CETN3: variants seen among roughly 807,000 people sequenced by gnomAD.
The protein encoded by CETN3 is centrin 3.
Under a neutral mutation model 20.1 loss-of-function variants are expected in CETN3, and 17 were observed. That is an observed-to-expected ratio of 0.85 (90% CI 0.58 to 1.27). The LOEUF (loss-of-function observed/expected upper bound fraction) is 1.27. Among genes scored for constraint, CETN3 ranks in the 50% most tolerant of loss-of-function variants. The probability of loss-of-function intolerance (pLI) is 0.00; values close to 1 mark genes in which losing one functional copy is unlikely to be tolerated. For synonymous variants in CETN3, 52 were observed against 59.7 expected, an observed-to-expected ratio of 0.87 and a Z score of 0.59; for missense variants, 169 against 191.2, an observed-to-expected ratio of 0.88 and a Z score of 0.69.
chr5:90,399,011 T>C (rs1196786272), intron 4 of CETN3: 1 of 400,080 alleles, frequency 2.5e-6, no homozygotes, highest in Admixed American at 4.2e-5. Context: ...ACAGCCACAA[T>C]GGACAAAGAT....
chr5:90,405,580 T>C (rs545497111), intron 3 of CETN3, 105 bp downstream of exon 3: 1 of 747,524 alleles, frequency 1.3e-6, no homozygotes, highest in Non-Finnish European at 2.3e-6. Flanking sequence ...ACACCAGTGT[T>C]CTATAAGAAA....
rs541550716 is a variant in CETN3, at chr5:90,392,269, T to C, written c.*1795A>G. 3 of 152,308 alleles carry C rather than the reference T, an allele frequency of 2.0e-5. No homozygotes were observed. In the East Asian group the frequency reaches 5.8e-4, roughly 29 times the overall value. 9.4% of individuals were successfully genotyped at this position (152,308 alleles called of 1,614,324 possible). A position where few individuals can be genotyped will look rare whatever the true frequency, so the allele number is the denominator to read the frequency against. ...AGACTCACAAAACTAGATTTACTTTTACTGTTTTATTTTTCACTTTCCTGG... is the reference window on the plus strand; with the variant it reads ...AGACTCACAAAACTAGATTTACTTTCACTGTTTTATTTTTCACTTTCCTGG... On this transcript the variant is annotated 3_prime_UTR_variant, in exon 5 of 5. Coordinates refer to ENST00000283122, the MANE Select transcript of CETN3 (RefSeq NM_004365.4).
chr5:90,395,696 C>G (rs182537279), intron 4 of CETN3: 1 of 196,110 alleles, frequency 5.1e-6, no homozygotes, highest in Non-Finnish European at 9.2e-6. Context: ...AATATACACA[C>G]GACAGGTAAA....
rs1454661006 is a variant in CETN3, at chr5:90,407,828, C to T, written c.24G>A (p.Glu8=). ...TCCTCTTTGTTTTGTCCACTACAAG[C>T]TCACTTCTATGAAATGGAAAGAAAA... is the stretch of plus-strand genomic sequence containing the variant. The part of the protein sequence containing the change: MSLALRS[E]LVVDKTKRKK... Residue 8 remains glutamate (E), a synonymous_variant, in exon 2 of 5, where the codon GAG becomes GAA. Transcript: ENST00000283122. The T allele has an allele frequency of 3.2e-6, 5 of 1,582,612 alleles. No homozygotes were observed. In the South Asian group the frequency reaches 6.0e-5, roughly 19 times the overall value.
Position 90,394,052 on chromosome 5 carries a change from C to A in CETN3, c.*12G>T, listed in dbSNP as rs760138839. On this transcript the variant is annotated 3_prime_UTR_variant, in exon 5 of 5. Coordinates refer to ENST00000283122, the MANE Select transcript of CETN3 (RefSeq NM_004365.4). ...TAACTGCAACATTCTTAGTGTTTATCCTTGTAATTCTTTAAATGTCACCAG... is the reference window on the plus strand; with the variant it reads ...TAACTGCAACATTCTTAGTGTTTATACTTGTAATTCTTTAAATGTCACCAG... 1.3e-6 allele frequency: 2 copies of A among 1,514,668 alleles called. No individual in the cohort carries two copies. The highest frequency in any genetic ancestry group is 2.8e-5 in the African/African-American group (2 of 72,502). The allele number at this position is 1,514,668 out of a possible 1,614,324, so 93.8% of individuals were successfully genotyped here.
intron 1 of CETN3, among the ~76,000 whole-genome samples, chr5:90,409,305 G>A (rs990354464): frequency 6.6e-6 from 1 of 152,170 alleles, no homozygotes; most frequent in African/African-American, 2.4e-5. Flanking sequence ...GCACACGGAT[G>A]AATGAAGGGA....
chr5:90,409,692 G>A lies in CETN3; in HGVS notation c.-31C>T, dbSNP rs1749576600. 1.2e-6 allele frequency: 2 copies of A among 1,614,042 alleles called. No individual in the cohort carries two copies. The highest frequency in any genetic ancestry group is 1.1e-5 in the South Asian group (1 of 91,082). On this transcript the variant is annotated 5_prime_UTR_variant, in exon 1 of 5. Transcript: ENST00000283122. ...CTTCGCACAGAGACGTTCCTCTCAA[G>A]AACGATTTTAACCCCCTACCCAAGG...
chr5:90,407,674 C>A (rs758113872), intron 2 of CETN3, 25 bp downstream of exon 2: 1 of 1,369,942 alleles, frequency 7.3e-7, no homozygotes, highest in South Asian at 1.7e-5. Context: ...AACACAGAAA[C>A]AAATATTTTA....
At chr5:90,409,508 C>G in intron 1 of CETN3, 137 bp downstream of exon 1, 1 of 969,898 alleles carries the variant, frequency 1.0e-6, no homozygotes, top group Non-Finnish European at 1.6e-6. Context: ...TCCGGGCAGG[C>G]TGCCCTAGGC....
At chr5:90,394,560 A>G (rs1749096088) in intron 4 of CETN3, among the ~76,000 whole-genome samples, 1 of 151,990 alleles carries the variant, frequency 6.6e-6, no homozygotes, top group African/African-American at 2.4e-5. Flanking sequence ...GAATGAAAAT[A>G]TAATAAAATT....
At chr5:90,403,740 G>A (rs1337923890) in intron 3 of CETN3, among the ~76,000 whole-genome samples, 1 of 149,336 alleles carries the variant, frequency 6.7e-6, no homozygotes, top group Non-Finnish European at 1.5e-5. Flanking sequence ...GCGTAGTGGC[G>A]GGCGCCTGTA....
rs543427463 is a variant in CETN3, at chr5:90,396,375, T to C, written c.461-2268A>G. The C allele has an allele frequency of 1.9e-4, 261 of 1,393,978 alleles. 3 individuals are homozygous for C. In the South Asian group the frequency reaches 4.1e-3, roughly 22 times the overall value. 86.4% of individuals were successfully genotyped at this position (1,393,978 alleles called of 1,614,324 possible). On this transcript the variant is annotated intron_variant, in intron 4 of 4. Coordinates refer to ENST00000283122, the MANE Select transcript of CETN3 (RefSeq NM_004365.4). ...TCTTACAAATTGATGTAGTGATCTTTAACCTTTGCAGTTAAATAGCCATGT... is the reference window on the plus strand; with the variant it reads ...TCTTACAAATTGATGTAGTGATCTTCAACCTTTGCAGTTAAATAGCCATGT...
Position 90,393,499 on chromosome 5 carries a change from A to C in CETN3, c.*565T>G, listed in dbSNP as rs1281990392. ...TTCTAAACTCAAAGACAGGACTCTT[A>C]AAAAAGGAATTAGGCTTATATTGAG... On this transcript the variant is annotated 3_prime_UTR_variant, in exon 5 of 5. Coordinates refer to ENST00000283122, the MANE Select transcript of CETN3 (RefSeq NM_004365.4). 2 of 152,238 alleles carry C rather than the reference A, an allele frequency of 1.3e-5. No individual in the cohort carries two copies. The highest frequency in any genetic ancestry group is 2.9e-5 in the Non-Finnish European group (2 of 68,058). The allele number at this position is 152,238 out of a possible 1,614,324, so 9.4% of individuals were successfully genotyped here.
At chr5:90,403,494 C>T (rs1244833933) in intron 3 of CETN3, among the ~76,000 whole-genome samples, 1 of 152,116 alleles carries the variant, frequency 6.6e-6, no homozygotes, top group Non-Finnish European at 1.5e-5. Flanking sequence ...CCCAGTATTT[C>T]TGCTCTGTTA....
At chr5:90,402,665 G>C (rs761022739) in intron 3 of CETN3, among the ~76,000 whole-genome samples, 11 of 152,140 alleles carry the variant, frequency 7.2e-5, no homozygotes, top group Admixed American at 4.6e-4. Flanking sequence ...GGGCCATAAA[G>C]TCTCTAACTA....
chr5:90,406,456 T>A (rs1248588344), intron 2 of CETN3, among the ~76,000 whole-genome samples: 1 of 151,460 alleles, frequency 6.6e-6, no homozygotes, highest in South Asian at 2.1e-4. Context: ...TTACCTCACC[T>A]GAATTAGAAA....
intron 1 of CETN3, among the ~76,000 whole-genome samples, chr5:90,408,598 G>C (rs1749529964): frequency 6.6e-6 from 1 of 152,068 alleles, no homozygotes; most frequent in Non-Finnish European, 1.5e-5. Context: ...AAGAAAAAAA[G>C]CAAAAATTAT....
intron 4 of CETN3, among the ~76,000 whole-genome samples, chr5:90,394,874 T>C (rs1315048939): frequency 6.9e-6 from 1 of 144,662 alleles, no homozygotes; most frequent in African/African-American, 2.4e-5. Context: ...GATAATCTTA[T>C]AGAATATAAT....
At position 90,399,679 on chromosome 5, in the gene CETN3, CA is replaced by C. The variant is rs1171928220; in HGVS notation, c.269-131del. ...AACTTTTAGTCTGACAATAAAATGT[CA>C]AATGAGATCCCCAAACCCCGAGATA... On this transcript the variant is annotated intron_variant, in intron 3 of 4. Coordinates refer to ENST00000283122, the MANE Select transcript of CETN3 (RefSeq NM_004365.4). The C allele has an allele frequency of 2.2e-4, 150 of 682,842 alleles. 1 individual carries two copies. Among genetic ancestry groups the C allele is most frequent in the South Asian group, 2.1e-5 (1 of 46,560 alleles). The allele number at this position is 682,842 out of a possible 1,614,324, so 42.3% of individuals were successfully genotyped here.
Sources: gnomAD v4.1 joint callset for allele counts (sites outside exome capture counted in the v4.1 genomes callset) on GRCh38, gnomAD v4.1.1 for gene constraint, MANE v1.5 for transcripts, NCBI Gene and HGNC (gene_info 2026-07-23, HGNC 2026-07-21) for gene names.